The following PROS1 variants were observed in gnomAD, a reference collection of about 807,000 sequenced individuals.
PROS1 encodes protein S.
A neutral mutation model predicts 75.9 loss-of-function variants in PROS1; 29 were observed. The observed-to-expected ratio is 0.38, with a 90% CI of 0.28 to 0.52. PROS1 has a LOEUF of 0.52. Ranked by LOEUF, PROS1 falls within the 20% of genes least tolerant of loss-of-function variation. PROS1 has a pLI of 0.83. For synonymous variants in PROS1, 245 were observed against 280.6 expected, an observed-to-expected ratio of 0.87 and a Z score of 1.27; for missense variants, 680 against 810.3, an observed-to-expected ratio of 0.84 and a Z score of 1.95.
At chr3:93,890,166 TCAGG>T (rs1165043847) in intron 10 of PROS1, among the ~76,000 whole-genome samples, 1 of 152,154 alleles carries the variant, frequency 6.6e-6, no homozygotes, top group Non-Finnish European at 1.5e-5. Context: ...TGCAGTACCC[TCAGG>T]CTTATTAGGG....
At chr3:93,918,552 C>T (rs1169512128) in intron 3 of PROS1, among the ~76,000 whole-genome samples, 1 of 152,142 alleles carries the variant, frequency 6.6e-6, no homozygotes, top group Non-Finnish European at 1.5e-5. Flanking sequence ...AAACTCCGAA[C>T]ATCAGAAGGA....
intron 1 of PROS1, among the ~76,000 whole-genome samples, chr3:93,942,650 C>A (rs1709306596): frequency 1.3e-5 from 2 of 152,168 alleles, no homozygotes; most frequent in Non-Finnish European, 2.9e-5. Context: ...GTTCTTGGAC[C>A]AAGGAAAATA....
intron 1 of PROS1, 187 bp downstream of exon 1, chr3:93,973,487 G>T: frequency 1.5e-6 from 1 of 646,936 alleles, no homozygotes; most frequent in Non-Finnish European, 2.8e-6. Context: ...TGTGCAAATA[G>T]TGATCCTGCC....
chr3:93,953,053 T>C (rs577228676), intron 1 of PROS1, among the ~76,000 whole-genome samples: 2 of 152,024 alleles, frequency 1.3e-5, no homozygotes, highest in Non-Finnish European at 2.9e-5. Flanking sequence ...CCTTAATAGA[T>C]CAATAACAGG....
At chr3:93,941,100 G>A (rs955406768) in intron 1 of PROS1, among the ~76,000 whole-genome samples, 1 of 151,988 alleles carries the variant, frequency 6.6e-6, no homozygotes, top group African/African-American at 2.4e-5. Context: ...CAAATTACCT[G>A]GGCTGTACTG....
intron 12 of PROS1, among the ~76,000 whole-genome samples, chr3:93,880,632 A>G (rs1708263188): frequency 6.6e-6 from 1 of 152,218 alleles, no homozygotes; most frequent in Non-Finnish European, 1.5e-5. Context: ...TAATGCTCAA[A>G]TCAGGGTAAT....
At position 93,884,856 on chromosome 3, in the gene PROS1, A is replaced by G; in HGVS notation, c.1364T>C (p.Leu455Ser). 4 of 1,613,362 alleles carry G rather than the reference A, an allele frequency of 2.5e-6. No individual in the cohort carries two copies. Among genetic ancestry groups the G allele is most frequent in the South Asian group, 1.1e-5 (1 of 90,864 alleles). The change falls in exon 12 of 15, where the codon TTG (leucine) becomes TCG (serine). Residue 455 changes from leucine to serine, a missense_variant. Coordinates refer to ENST00000394236, the MANE Select transcript of PROS1 (RefSeq NM_000313.4). The part of the protein sequence containing the change: ...RLDGCIRSWN[L>S]MKQGASGIKE... Reference sequence around the variant, plus strand: ...TATTCCAGAAGCTCCTTGCTTCATCAAATTCCAGCTTCGTATACATCCATC... The same window carrying G: ...TATTCCAGAAGCTCCTTGCTTCATCGAATTCCAGCTTCGTATACATCCATC...
intron 4 of PROS1, among the ~76,000 whole-genome samples, chr3:93,909,793 T>A (rs1282441578): frequency 1.3e-5 from 2 of 151,886 alleles, no homozygotes; most frequent in African/African-American, 2.4e-5. Context: ...CATAATTTTT[T>A]AAAAAAGTCT....
At chr3:93,897,304 A>G (rs1273531052) in intron 8 of PROS1, among the ~76,000 whole-genome samples, 1 of 152,026 alleles carries the variant, frequency 6.6e-6, no homozygotes, top group East Asian at 1.9e-4. Flanking sequence ...TTTTTTTTCT[A>G]CGAGTGAAAA....
At chr3:93,912,165 C>T (rs1708767651) in intron 3 of PROS1, among the ~76,000 whole-genome samples, 1 of 152,120 alleles carries the variant, frequency 6.6e-6, no homozygotes, top group South Asian at 2.1e-4. Context: ...AATCCCTTTC[C>T]TTGCCTTTTC....
At chr3:93,882,810 T>A (rs1428435209) in intron 12 of PROS1, among the ~76,000 whole-genome samples, 1 of 151,980 alleles carries the variant, frequency 6.6e-6, no homozygotes, top group Admixed American at 6.6e-5. Flanking sequence ...CTTAATATGG[T>A]CCTGAAAGCA....
chr3:93,878,368 G>A (rs1346510589), intron 13 of PROS1, among the ~76,000 whole-genome samples: 2 of 152,060 alleles, frequency 1.3e-5, no homozygotes, highest in Non-Finnish European at 2.9e-5. Context: ...CCTCCTCCCT[G>A]AATCATACTT....
At chr3:93,957,954 G>A (rs1559951778) in intron 1 of PROS1, among the ~76,000 whole-genome samples, 1 of 152,008 alleles carries the variant, frequency 6.6e-6, no homozygotes, top group Non-Finnish European at 1.5e-5. Flanking sequence ...TGGGCACAGT[G>A]GTGCATGCCT....
At chr3:93,943,374 T>C (rs1709322059) in intron 1 of PROS1, among the ~76,000 whole-genome samples, 1 of 151,284 alleles carries the variant, frequency 6.6e-6, no homozygotes, top group Non-Finnish European at 1.5e-5. Flanking sequence ...TAATACCTGT[T>C]TTCCTCTTTC....
At chr3:93,942,763 C>T (rs900198801) in intron 1 of PROS1, among the ~76,000 whole-genome samples, 7 of 152,214 alleles carry the variant, frequency 4.6e-5, no homozygotes, top group African/African-American at 1.7e-4. Context: ...CTCTCATTTG[C>T]TTTCCATCAT....
chr3:93,886,793 C>T (rs1576177073), intron 10 of PROS1, among the ~76,000 whole-genome samples: 1 of 152,090 alleles, frequency 6.6e-6, no homozygotes, highest in Non-Finnish European at 1.5e-5. Flanking sequence ...TCTTTCAATT[C>T]CAGGCTGCTA....
chr3:93,876,199 C>T (rs1708184780), intron 14 of PROS1, among the ~76,000 whole-genome samples: 1 of 152,200 alleles, frequency 6.6e-6, no homozygotes, highest in Admixed American at 6.5e-5. Context: ...AATAATAGCA[C>T]TTACCTCACT....
chr3:93,904,696 G>C (rs1195854274), intron 6 of PROS1, among the ~76,000 whole-genome samples: 3 of 151,918 alleles, frequency 2.0e-5, no homozygotes, highest in East Asian at 3.9e-4. Context: ...GTTTCTAAAG[G>C]CAAATTTTAA....
chr3:93,888,585 G>C (rs1481846399), intron 10 of PROS1, among the ~76,000 whole-genome samples: 1 of 152,124 alleles, frequency 6.6e-6, no homozygotes, highest in Non-Finnish European at 1.5e-5. Flanking sequence ...AACACAAACA[G>C]TTTCATGGCC....
Sources: gnomAD v4.1 joint callset for allele counts (sites outside exome capture counted in the v4.1 genomes callset) on GRCh38, gnomAD v4.1.1 for gene constraint, MANE v1.5 for transcripts, NCBI Gene and HGNC (gene_info 2026-07-23, HGNC 2026-07-21) for gene names.